The following GRIP1 variants were observed in gnomAD, a reference collection of about 807,000 sequenced individuals.
The protein encoded by GRIP1 is glutamate receptor interacting protein 1.
A neutral mutation model predicts 129.9 loss-of-function variants in GRIP1; 45 were observed. The observed-to-expected ratio is 0.35, with a 90% CI of 0.27 to 0.44. The LOEUF (loss-of-function observed/expected upper bound fraction) is 0.44. Among genes scored for constraint, GRIP1 ranks in the 20% least tolerant of loss-of-function variants. GRIP1 has a pLI of 1.00. For synonymous variants in GRIP1, 530 were observed against 520.8 expected, an observed-to-expected ratio of 1.02 and a Z score of -0.24; for missense variants, 1,196 against 1,396.8, an observed-to-expected ratio of 0.86 and a Z score of 2.29.
chr12:66,354,459 A>G (rs900951990), intron 23 of GRIP1, among the ~76,000 whole-genome samples: 2 of 152,202 alleles, frequency 1.3e-5, no homozygotes, highest in Non-Finnish European at 2.9e-5. Context: ...CACACACATG[A>G]ATATGTAGCA....
chr12:66,587,064 C>A (rs2063666852), intron 2 of GRIP1, among the ~76,000 whole-genome samples: 1 of 152,234 alleles, frequency 6.6e-6, no homozygotes, highest in Non-Finnish European at 1.5e-5. Context: ...CACCCTCAGC[C>A]TTGCTTCCCA....
At chr12:66,637,565 T>G (rs1449224418) in intron 1 of GRIP1, among the ~76,000 whole-genome samples, 1 of 129,470 alleles carries the variant, frequency 7.7e-6, no homozygotes, top group Non-Finnish European at 1.7e-5. Flanking sequence ...CCTCTTGTTA[T>G]TTTTGTATGT....
intron 1 of GRIP1, among the ~76,000 whole-genome samples, chr12:66,993,429 G>A (rs1421941524): frequency 1.3e-5 from 2 of 151,232 alleles, no homozygotes; most frequent in Non-Finnish European, 2.9e-5. Context: ...GCTTTGAAAA[G>A]ACCAACAAAA....
At chr12:66,767,786 C>A (rs569017490) in intron 1 of GRIP1, among the ~76,000 whole-genome samples, 2 of 152,248 alleles carry the variant, frequency 1.3e-5, no homozygotes, top group African/African-American at 2.4e-5. Flanking sequence ...TAGCTTTGTC[C>A]ACCATGGACA....
chr12:66,581,677 T>C (rs1338312166), intron 2 of GRIP1, among the ~76,000 whole-genome samples: 2 of 151,948 alleles, frequency 1.3e-5, no homozygotes, highest in Non-Finnish European at 1.5e-5. Flanking sequence ...AATTCCTTGA[T>C]ACATACACTC....
At chr12:66,663,035 C>A (rs11176365) in intron 1 of GRIP1, among the ~76,000 whole-genome samples, 41,090 of 152,036 alleles carry the variant, frequency 0.27, 5,949 homozygotes, top group Admixed American at 0.37. Flanking sequence ...AGATCAAATT[C>A]TAATTCTAAA....
chr12:66,689,292 A>AG (rs1202607271), intron 1 of GRIP1, among the ~76,000 whole-genome samples: 1 of 152,178 alleles, frequency 6.6e-6, no homozygotes, highest in Non-Finnish European at 1.5e-5. Flanking sequence ...TCAAGAAACG[A>AG]GGGGCACATG....
chr12:66,928,530 TA>T (rs34464948), intron 1 of GRIP1, among the ~76,000 whole-genome samples: 30,357 of 151,302 alleles, frequency 0.2, 3,292 homozygotes, highest in South Asian at 0.25. Context: ...TTCATTCATT[TA>T]AAAAAAAAGG....
At chr12:66,353,627 T>A (rs2054340407) in intron 23 of GRIP1, 64 bp from the exon 24 acceptor site, 37 of 1,387,034 alleles carry the variant, frequency 2.7e-5, no homozygotes, top group Non-Finnish European at 3.8e-5. Context: ...CTGCAACTTC[T>A]TGATGAACAA....
chr12:66,831,527 A>AATGAGT (rs1287432651), intron 1 of GRIP1, among the ~76,000 whole-genome samples: 2 of 152,228 alleles, frequency 1.3e-5, no homozygotes, highest in Non-Finnish European at 2.9e-5. Flanking sequence ...TATAACAGCT[A>AATGAGT]ATGAGTATAT....
At chr12:66,396,940 G>A (rs1029784673) in intron 16 of GRIP1, among the ~76,000 whole-genome samples, 2 of 151,078 alleles carry the variant, frequency 1.3e-5, no homozygotes, top group African/African-American at 4.9e-5. Flanking sequence ...ATGAATCCCC[G>A]TCTTAACTAA....
chr12:66,486,287 A>T (rs376293881), intron 7 of GRIP1, among the ~76,000 whole-genome samples: 1 of 151,578 alleles, frequency 6.6e-6, no homozygotes, highest in Admixed American at 6.6e-5. Context: ...ATATATATTT[A>T]AAAATACTCT....
chr12:66,415,783 C>T (rs1230843801), intron 15 of GRIP1, among the ~76,000 whole-genome samples: 2 of 151,966 alleles, frequency 1.3e-5, no homozygotes, highest in East Asian at 1.9e-4. Flanking sequence ...CATGGATAGA[C>T]CTGGAAGGCT....
chr12:66,363,924 A>C (rs905458707), intron 23 of GRIP1, among the ~76,000 whole-genome samples: 2 of 152,186 alleles, frequency 1.3e-5, no homozygotes, highest in African/African-American at 4.8e-5. Context: ...GACTACAGTT[A>C]ATAATAATGT....
chr12:66,761,178 A>C (rs1256217067), intron 1 of GRIP1, among the ~76,000 whole-genome samples: 1 of 151,886 alleles, frequency 6.6e-6, no homozygotes, highest in Non-Finnish European at 1.5e-5. Flanking sequence ...TCCTTCGCTA[A>C]ATCTTGCCTT....
intron 1 of GRIP1, among the ~76,000 whole-genome samples, chr12:67,027,803 G>A (rs991336418): frequency 1.3e-5 from 2 of 152,188 alleles, no homozygotes; most frequent in African/African-American, 2.4e-5. Context: ...AGAGTCTGGC[G>A]AGATGGAGGG....
At chr12:66,553,063 C>A (rs1407095745) in intron 2 of GRIP1, among the ~76,000 whole-genome samples, 1 of 152,182 alleles carries the variant, frequency 6.6e-6, no homozygotes, top group Non-Finnish European at 1.5e-5. Flanking sequence ...GGGTACCATT[C>A]TCTCCTGGCC....
intron 19 of GRIP1, among the ~76,000 whole-genome samples, chr12:66,389,331 G>A (rs1005573645): frequency 5.3e-5 from 8 of 152,106 alleles, no homozygotes; most frequent in Non-Finnish European, 8.8e-5. Flanking sequence ...TGGTTCAAGC[G>A]ATTCTCCTGC....
chr12:66,689,481 T>C (rs2034900703), intron 1 of GRIP1, among the ~76,000 whole-genome samples: 2 of 152,302 alleles, frequency 1.3e-5, no homozygotes, highest in Middle Eastern at 3.4e-3. Flanking sequence ...TAAGTCTATA[T>C]ATACATTTCA....
Sources: allele counts gnomAD v4.1 joint callset (sites outside exome capture counted in the v4.1 genomes callset), GRCh38; gene constraint gnomAD v4.1.1; transcripts MANE v1.5; gene names NCBI Gene and HGNC (gene_info 2026-07-23, HGNC 2026-07-21).